The following DOP1A variants were observed in gnomAD, a reference collection of about 807,000 sequenced individuals.
The protein encoded by DOP1A is DOP1 leucine zipper like protein A, also known as protein DOP1A.
In DOP1A, 90 loss-of-function variants were observed where a neutral mutation model predicts 267.6. The observed-to-expected ratio is 0.34, with a 90% CI of 0.28 to 0.40. The LOEUF (loss-of-function observed/expected upper bound fraction) is 0.40, where lower values mean the gene tolerates loss of function less well. Ranked by LOEUF, DOP1A falls within the 10% of genes least tolerant of loss-of-function variation. DOP1A has a pLI of 1.00. For missense variants in DOP1A, 2,437 were observed against 2,900.4 expected (o/e 0.84, Z 3.67); for synonymous variants, 932 against 999.1 (o/e 0.93, Z 1.27).
intron 1 of DOP1A, among the ~76,000 whole-genome samples, chr6:83,088,059 G>A (rs1020257575): frequency 5.9e-5 from 9 of 152,194 alleles, no homozygotes; most frequent in African/African-American, 1.9e-4. Flanking sequence ...TTTTTTAGTA[G>A]AGACGGGTTT....
rs766860664 is a variant in DOP1A at position 83,148,754 on chromosome 6, T to G, written c.5733-5T>G. The G allele has an allele frequency of 3.9e-6, 6 of 1,536,022 alleles. No individual in the cohort carries two copies. Among genetic ancestry groups the G allele is most frequent in the Non-Finnish European group, 5.2e-6 (6 of 1,147,592 alleles). On this transcript the variant is annotated splice_polypyrimidine_tract_variant and splice_region_variant and intron_variant, in intron 26 of 38. Transcript: ENST00000349129. Reference sequence around the variant, plus strand: ...GGCTTTTGTATAAACTATATTATCTTGCAGAATTCCAGTGCCCAATTTAGT... The same window carrying G: ...GGCTTTTGTATAAACTATATTATCTGGCAGAATTCCAGTGCCCAATTTAGT...
At chr6:83,121,696 A>T (rs547016836) in intron 10 of DOP1A, among the ~76,000 whole-genome samples, 1 of 151,890 alleles carries the variant, frequency 6.6e-6, no homozygotes, top group South Asian at 2.1e-4. Context: ...TGGCAAAACC[A>T]ATTTCTCTGA....
intron 1 of DOP1A, among the ~76,000 whole-genome samples, chr6:83,073,521 G>T (rs566114665): frequency 1.3e-5 from 2 of 152,116 alleles, no homozygotes; most frequent in Non-Finnish European, 2.9e-5. Flanking sequence ...CCAATTTTAC[G>T]TAATCTGATA....
At chr6:83,089,873 T>A (rs1262913975) in intron 1 of DOP1A, among the ~76,000 whole-genome samples, 2 of 152,142 alleles carry the variant, frequency 1.3e-5, no homozygotes, top group Non-Finnish European at 2.9e-5. Context: ...GTGGTGATGG[T>A]TTTATGGGTG....
intron 28 of DOP1A, 28 bp from the exon 29 acceptor site, chr6:83,151,855 A>G: frequency 1.2e-6 from 2 of 1,609,426 alleles, no homozygotes; most frequent in Middle Eastern, 1.7e-4. Context: ...TGTGTACCAT[A>G]CATAGTTGTT....
intron 17 of DOP1A, 89 bp downstream of exon 17, chr6:83,130,486 T>A: frequency 6.8e-7 from 1 of 1,475,214 alleles, no homozygotes; most frequent in Non-Finnish European, 9.1e-7. Flanking sequence ...ATTTTTTAAA[T>A]GTTAATAAAG....
chr6:83,130,147 A>T lies in DOP1A; in HGVS notation c.2366A>T (p.Gln789Leu). 1.2e-6 allele frequency: 2 copies of T among 1,614,024 alleles called. No individual in the cohort carries two copies. The highest frequency in any genetic ancestry group is 2.2e-5 in the South Asian group (2 of 91,074). ...ETDCEHVQPP[Q>L]WLQTLMNACS... Reference sequence around the variant, plus strand: ...GACTGTGAGCATGTGCAGCCTCCACAGTGGCTCCAGACTCTGATGAATGCT... The same window carrying T: ...GACTGTGAGCATGTGCAGCCTCCACTGTGGCTCCAGACTCTGATGAATGCT... Residue 789 changes from glutamine to leucine, a missense_variant, in exon 17 of 39, where the codon CAG becomes CTG. Around this residue, in one of 9 missense-constraint regions of DOP1A, gnomAD observed 878 missense variants for 992.9 expected, o/e 0.88. Coordinates refer to ENST00000349129, the MANE Select transcript of DOP1A (RefSeq NM_015018.4).
chr6:83,138,387 A>G lies in DOP1A; in HGVS notation c.4345A>G (p.Ser1449Gly). ...IPVDSNHNFRSSMYIEILISL... is the reference protein window; with the variant it reads ...IPVDSNHNFRGSMYIEILISL... ...AGTGGACTCAAATCATAACTTCCGG[A>G]GTTCTATGTACATAGAAATTCTTAT... Residue 1449 changes from serine to glycine, a missense_variant, in exon 21 of 39, where the codon AGT becomes GGT. By Grantham distance (56) the Ser-to-Gly change is moderately conservative. Coordinates refer to ENST00000349129, the MANE Select transcript of DOP1A (RefSeq NM_015018.4). The G allele has an allele frequency of 6.2e-7, 1 of 1,610,838 alleles. No homozygotes were observed. Among genetic ancestry groups the G allele is most frequent in the Non-Finnish European group, 8.5e-7 (1 of 1,179,870 alleles).
intron 37 of DOP1A, among the ~76,000 whole-genome samples, chr6:83,162,337 A>AT (rs1233515773): frequency 6.6e-6 from 1 of 152,114 alleles, no homozygotes; most frequent in African/African-American, 2.4e-5. Context: ...AATTCGTTCA[A>AT]TTTTTTACTC....
chr6:83,083,063 C>T (rs866916517), intron 1 of DOP1A, among the ~76,000 whole-genome samples: 6 of 152,242 alleles, frequency 3.9e-5, no homozygotes, highest in Admixed American at 1.3e-4. Context: ...CCGCCTCAGC[C>T]TCCTGAAGTG....
chr6:83,171,157 T>C (rs530046015), downstream of DOP1A: 1 of 152,072 alleles, frequency 6.6e-6, no homozygotes, highest in Non-Finnish European at 1.5e-5. Context: ...CTAGGCAACA[T>C]AGTGAGATCT....
Position 83,137,255 on chromosome 6 carries a change from T to C in DOP1A, c.3213T>C (p.Thr1071=). The C allele has an allele frequency of 3.7e-6, 6 of 1,613,218 alleles. No homozygotes were observed. Among genetic ancestry groups the C allele is most frequent in the Non-Finnish European group, 5.1e-6 (6 of 1,179,464 alleles). Residue 1071 remains threonine, a synonymous_variant, in exon 21 of 39, where the codon ACT becomes ACC. Coordinates refer to ENST00000349129, the MANE Select transcript of DOP1A (RefSeq NM_015018.4). ...ATGAAATAGAGAACTTTAGTCTCAC[T>C]GTGAATCCATTAAGTGACAGACTTT... ...TMDEIENFSL[T]VNPLSDRLSL...
chr6:83,102,088 A>T (rs1395127917), intron 4 of DOP1A, among the ~76,000 whole-genome samples: 1 of 152,174 alleles, frequency 6.6e-6, no homozygotes, highest in Admixed American at 6.5e-5. Context: ...CTTGCTTGAC[A>T]TCGCCATATA....
chr6:83,085,895 A>G (rs1265494009), intron 1 of DOP1A, among the ~76,000 whole-genome samples: 3 of 152,058 alleles, frequency 2.0e-5, no homozygotes, highest in Non-Finnish European at 4.4e-5. Flanking sequence ...GGAATGACAT[A>G]ATGTGTCTCT....
At chr6:83,106,454 G>C (rs1216773982) in intron 4 of DOP1A, among the ~76,000 whole-genome samples, 1 of 142,682 alleles carries the variant, frequency 7.0e-6, no homozygotes, top group Admixed American at 6.9e-5. Flanking sequence ...GAGTATTTAG[G>C]AGTCTCAGTA....
intron 1 of DOP1A, among the ~76,000 whole-genome samples, chr6:83,084,668 T>C (rs943685579): frequency 1.3e-5 from 2 of 152,042 alleles, no homozygotes; most frequent in Admixed American, 1.3e-4. Context: ...CTGCAGCCTC[T>C]ACCTCCTGGG....
Position 83,137,923 on chromosome 6 carries a change from C to G in DOP1A, c.3881C>G (p.Pro1294Arg), listed in dbSNP as rs200438991. The change falls in exon 21 of 39, where the codon CCA becomes CGA. Residue 1294 changes from proline to arginine, a missense_variant. By Grantham distance (103) the Pro-to-Arg change is moderately radical. Around this residue, in one of 9 missense-constraint regions of DOP1A, gnomAD observed 878 missense variants for 992.9 expected, o/e 0.88. Transcript: ENST00000349129. Reference protein sequence around the residue: ...ETIVKESGKQPGAKPKVKLAR... With the variant: ...ETIVKESGKQRGAKPKVKLAR... ...ATAGTTAAGGAGTCAGGTAAACAAC[C>G]AGGAGCAAAACCTAAAGTAAAACTT... 1.1e-5 allele frequency: 18 copies of G among 1,608,452 alleles called. No homozygotes were observed. The highest frequency in any genetic ancestry group is 3.4e-5 in the Admixed American group (2 of 58,718).
At chr6:83,158,944 T>C (rs1365785288) in intron 36 of DOP1A, among the ~76,000 whole-genome samples, 1 of 152,200 alleles carries the variant, frequency 6.6e-6, no homozygotes, top group African/African-American at 2.4e-5. Flanking sequence ...CCAACCCTGT[T>C]ATGGTAGGTA....
downstream of DOP1A, chr6:83,168,885 T>C (rs1786452776): frequency 1.9e-5 from 20 of 1,056,986 alleles, no homozygotes; most frequent in Admixed American, 4.7e-5. Flanking sequence ...CATGTGATGG[T>C]GATGGCAAAG....
Sources: allele counts gnomAD v4.1 joint callset (sites outside exome capture counted in the v4.1 genomes callset), GRCh38; gene constraint gnomAD v4.1.1; regional missense constraint gnomAD v4.1.1; transcripts MANE v1.5; gene names NCBI Gene and HGNC (gene_info 2026-07-23, HGNC 2026-07-21).